Variants in VWA5A observed in about 807,000 individuals in gnomAD.
VWA5A encodes von Willebrand factor A domain-containing protein 5A.
A neutral mutation model predicts 84.6 loss-of-function variants in VWA5A; 77 were observed. The observed-to-expected ratio is 0.91, with a 90% CI of 0.76 to 1.10. VWA5A has a LOEUF of 1.10. Ranked by LOEUF, VWA5A falls within the 50% of genes least tolerant of loss-of-function variation. The pLI is 0.00. For missense variants in VWA5A, 973 were observed against 963.0 expected, an observed-to-expected ratio of 1.01 and a Z score of -0.14; for synonymous variants, 334 against 350.1, an observed-to-expected ratio of 0.95 and a Z score of 0.51.
chr11:124,136,748 C>A (rs1860598971), intron 14 of VWA5A, 74 bp downstream of exon 14: 2 of 1,118,818 alleles, frequency 1.8e-6, no homozygotes, highest in Non-Finnish European at 2.5e-6. Flanking sequence ...TTCCTTCCTT[C>A]ATTCCCTCCC....
chr11:124,119,159 ACT>A (rs1864892393), intron 7 of VWA5A, 70 bp downstream of exon 7: 1 of 1,381,700 alleles, frequency 7.2e-7, no homozygotes. Context: ...CTGTCGAATT[ACT>A]CTCTTTTCTT....
At chr11:124,134,841 A>G (rs1178462047) in intron 11 of VWA5A, 79 bp from the exon 12 acceptor site, 4 of 989,686 alleles carry the variant, frequency 4.0e-6, no homozygotes, top group African/African-American at 1.6e-5. Context: ...TTCCTTATGT[A>G]TTTTTGGCCA....
At position 124,118,975 on chromosome 11, in the gene VWA5A, G is replaced by T; in HGVS notation, c.646G>T (p.Val216Phe). 1.9e-6 allele frequency: 3 copies of T among 1,614,018 alleles called. No individual in the cohort carries two copies. The highest frequency in any genetic ancestry group is 1.7e-6 in the Non-Finnish European group (2 of 1,179,970). The change falls in exon 7 of 19, where the codon GTT becomes TTT. Residue 216 changes from valine to phenylalanine, a missense_variant and splice_region_variant. By Grantham distance (50) the Val-to-Phe change is conservative. Transcript: ENST00000456829. ...YLGEDKTSAQ[V>F]SLAAGHKFDR... ...GCTCCTTTACCTGTCCTCCACTCAG[G>T]TTTCCCTGGCTGCTGGACACAAGTT...
chr11:124,122,809 C>T, intron 7 of VWA5A, 151 bp from the exon 8 acceptor site: 1 of 697,374 alleles, frequency 1.4e-6, no homozygotes, highest in Non-Finnish European at 2.3e-6. Flanking sequence ...TCACCTTGAC[C>T]CCATTGCAAG....
chr11:124,122,881 AT>A, intron 7 of VWA5A, 78 bp from the exon 8 acceptor site: 6 of 1,407,864 alleles, frequency 4.3e-6, no homozygotes, highest in Non-Finnish European at 5.8e-6. Flanking sequence ...TCTTAATTGA[AT>A]TCACTACCAT....
Position 124,123,311 on chromosome 11 carries a change from C to G in VWA5A, c.931-55C>G. On this transcript the variant is annotated intron_variant, in intron 8 of 18. Transcript: ENST00000456829. The stretch of plus-strand genomic sequence containing the variant: ...TCCTCAAGAGTCGATTGACAGGGCC[C>G]ATGTGTTTTGGCGAGCCTCTCTCAC... The G allele has an allele frequency of 1.9e-6, 3 of 1,557,730 alleles. No individual in the cohort carries two copies. In the South Asian group the frequency reaches 3.4e-5, roughly 18 times the overall value.
At position 124,124,254 on chromosome 11, in the gene VWA5A, T is replaced by A. The variant is rs1204271837; in HGVS notation, c.1182T>A (p.Asp394Glu). Residue 394 changes from aspartate to glutamate, a missense_variant, in exon 11 of 19, where the codon GAT becomes GAA. Transcript: ENST00000456829. ...TTGTATAGCTTTTTGTCTTTACAGATGGAGAAGTTACAGACACGTTTAGTG... is the reference window on the plus strand; with the variant it reads ...TTGTATAGCTTTTTGTCTTTACAGAAGGAGAAGTTACAGACACGTTTAGTG... ...GHPLQLFVFT[D>E]GEVTDTFSVI... The A allele has an allele frequency of 1.9e-6, 3 of 1,613,902 alleles. No individual in the cohort carries two copies. The Admixed American group carries it at 5.0e-5, about 27-fold the overall frequency.
intron 12 of VWA5A, among the ~76,000 whole-genome samples, chr11:124,135,743 G>A (rs1337768516): frequency 2.0e-5 from 3 of 151,066 alleles, no homozygotes; most frequent in Non-Finnish European, 2.9e-5. Context: ...TTTTAGCCGG[G>A]ATGGTCTCGA....
chr11:124,143,937 C>A (rs191586340), intron 17 of VWA5A, among the ~76,000 whole-genome samples: 2 of 151,822 alleles, frequency 1.3e-5, no homozygotes, highest in East Asian at 3.9e-4. Context: ...ATGATGAGAA[C>A]ATGGACCAAG....
rs147478271 is a variant in VWA5A at position 124,123,375 on chromosome 11, A to T, written c.940A>T (p.Ile314Phe). Residue 314 changes from isoleucine (I) to phenylalanine (F), a missense_variant, in exon 9 of 19, where the codon ATT (isoleucine) becomes TTT (phenylalanine). Transcript: ENST00000456829. ...ACTCTCTTACCTTCAGGAAACACTG[A>T]TTTTGCTGCTGAAGAGTTTACCTAT... ...LRIQAAKETL[I>F]LLLKSLPIGC... 1.9e-4 allele frequency: 309 copies of T among 1,613,424 alleles called. No homozygotes were observed. The highest frequency in any genetic ancestry group is 2.4e-4 in the Non-Finnish European group (288 of 1,179,902).
rs754632599 is a variant in VWA5A at position 124,124,233 on chromosome 11, A to G, written c.1165-4A>G. ...CCTGATGAACATTTTCTTTCTTTGT[A>G]TAGCTTTTTGTCTTTACAGATGGAG... On this transcript the variant is annotated splice_region_variant and splice_polypyrimidine_tract_variant and intron_variant, in intron 10 of 18. Transcript: ENST00000456829. The G allele has an allele frequency of 1.2e-6, 2 of 1,612,596 alleles. No individual in the cohort carries two copies. Among genetic ancestry groups the G allele is most frequent in the South Asian group, 1.1e-5 (1 of 90,672 alleles).
At chr11:124,138,499 TATCTC>T (rs1860659163) in intron 15 of VWA5A, among the ~76,000 whole-genome samples, 1 of 152,250 alleles carries the variant, frequency 6.6e-6, no homozygotes, top group African/African-American at 2.4e-5. Flanking sequence ...TATGAGGTGA[TATCTC>T]ATCGTGGTTT....
chr11:124,126,102 C>T (rs571165602), intron 11 of VWA5A, among the ~76,000 whole-genome samples: 5 of 152,094 alleles, frequency 3.3e-5, no homozygotes, highest in Admixed American at 6.6e-5. Context: ...TTCATCTAGA[C>T]GTGTGCTAGA....
At position 124,131,004 on chromosome 11, in the gene VWA5A, T is replaced by C. The variant is rs567855258; in HGVS notation, c.1245-3916T>C. 1.8e-4 allele frequency among the ~76,000 whole-genome samples: 27 copies of C among 152,162 alleles called. No homozygotes were observed. The Middle Eastern group carries it at 0.01, about 58-fold the overall frequency. ...AATTCTGTATTTATGTCTTCTTTTC[T>C]ACAGTGAGATAAACCTAGCTTCCAG... On this transcript the variant is annotated intron_variant, in intron 11 of 18. Transcript: ENST00000456829.
rs551103262 is a variant in VWA5A at position 124,145,427 on chromosome 11, A to G, written c.2281+64A>G. The G allele has an allele frequency of 6.4e-5, 97 of 1,522,890 alleles. No individual in the cohort carries two copies. The East Asian group carries it at 2.1e-3, about 33-fold the overall frequency. 94.3% of individuals were successfully genotyped at this position (1,522,890 alleles called of 1,614,324 possible). A position where few individuals can be genotyped will look rare whatever the true frequency, so the allele number is the denominator to read the frequency against. On this transcript the variant is annotated intron_variant, in intron 18 of 18. Coordinates refer to ENST00000456829, the MANE Select transcript of VWA5A (RefSeq NM_001130142.2). Reference sequence around the variant, plus strand: ...CCTGGCCTGGCGGAAGGTGACCACAAGAGAGTCCCATTGTCACCTGCCTCC... The same window carrying G: ...CCTGGCCTGGCGGAAGGTGACCACAGGAGAGTCCCATTGTCACCTGCCTCC...
At chr11:124,118,828 C>T (rs1484952525) in intron 6 of VWA5A, 120 bp downstream of exon 6, 3 of 1,365,508 alleles carry the variant, frequency 2.2e-6, no homozygotes, top group East Asian at 2.5e-5. Flanking sequence ...CCTTGCATAT[C>T]GTCATTTAAT....
intron 11 of VWA5A, among the ~76,000 whole-genome samples, chr11:124,133,313 G>A (rs937572567): frequency 2.6e-5 from 4 of 152,152 alleles, no homozygotes; most frequent in Admixed American, 6.5e-5. Context: ...CACTTTGGCT[G>A]TGGAAAGTGC....
In VWA5A at chr11:124,117,697, G is replaced by C; in HGVS notation, c.68G>C (p.Ser23Thr). The C allele has an allele frequency of 6.2e-7, 1 of 1,614,210 alleles. No individual in the cohort carries two copies. The highest frequency in any genetic ancestry group is 1.1e-5 in the South Asian group (1 of 91,082). ...EPVPLKSISV[S>T]VNIYEFVAGV... ...GTGCCGCTGAAGAGTATCTCTGTGA[G>C]CGTGAACATTTACGAGTTTGTGGCT... is the stretch of plus-strand genomic sequence containing the variant. The change falls in exon 4 of 19, where the codon AGC becomes ACC. Residue 23 changes from serine (S) to threonine (T), a missense_variant. Physicochemically the swap from Ser to Thr is moderately conservative, Grantham distance 58. Coordinates refer to ENST00000456829, the MANE Select transcript of VWA5A (RefSeq NM_001130142.2).
At chr11:124,123,572 C>T (rs1030372574) in intron 9 of VWA5A, 88 bp from the exon 10 acceptor site, 14 of 1,611,068 alleles carry the variant, frequency 8.7e-6, no homozygotes, top group Non-Finnish European at 1.1e-5. Flanking sequence ...ATAAGACTCT[C>T]TTTTAATGGG....
Sources: gnomAD v4.1 joint callset for allele counts (sites outside exome capture counted in the v4.1 genomes callset) on GRCh38, gnomAD v4.1.1 for gene constraint, MANE v1.5 for transcripts, NCBI Gene and HGNC (gene_info 2026-07-23, HGNC 2026-07-21) for gene names.